Variants in CNBD1 observed in about 807,000 individuals in gnomAD.
The protein encoded by CNBD1 is cyclic nucleotide binding domain containing 1, also known as cyclic nucleotide-binding domain-containing protein 1.
CNBD1 carries 71 observed loss-of-function variants against 54.4 expected under a neutral mutation model. The ratio of observed to expected loss-of-function variants is 1.30; its 90% CI spans 1.08 to 1.59. CNBD1 has a LOEUF of 1.59. Ranked by LOEUF, CNBD1 falls within the 40% of genes most tolerant of loss-of-function variation. CNBD1 has a pLI of 0.00. For missense variants in CNBD1, 659 were observed against 518.0 expected (o/e 1.27, Z -2.64); for synonymous variants, 182 against 170.7 (o/e 1.07, Z -0.51).
At chr8:87,012,554 G>A (rs917824929) in intron 4 of CNBD1, among the ~76,000 whole-genome samples, 7 of 151,902 alleles carry the variant, frequency 4.6e-5, no homozygotes, top group South Asian at 2.1e-4. Flanking sequence ...TTTGTTTTCC[G>A]GCCTTCCTTC....
At chr8:87,331,063 TTTTAC>T (rs1809816792) in intron 8 of CNBD1, among the ~76,000 whole-genome samples, 1 of 152,194 alleles carries the variant, frequency 6.6e-6, no homozygotes, top group Non-Finnish European at 1.5e-5. Flanking sequence ...TTCTTTATTT[TTTTAC>T]TTTAAGTTCG....
At chr8:87,424,946 T>G (rs1004815627) in intron 2 of CNBD1, among the ~76,000 whole-genome samples, 3 of 152,146 alleles carry the variant, frequency 2.0e-5, no homozygotes, top group Non-Finnish European at 4.4e-5. Context: ...TCCCCATGAC[T>G]TTCAGGTACA....
At chr8:87,343,492 C>T (rs1810109660) in intron 8 of CNBD1, among the ~76,000 whole-genome samples, 1 of 152,180 alleles carries the variant, frequency 6.6e-6, no homozygotes, top group South Asian at 2.1e-4. Flanking sequence ...CAGCCGGTCC[C>T]TCCATTCGGG....
At chr8:86,994,758 G>A (rs868325572) in intron 4 of CNBD1, among the ~76,000 whole-genome samples, 4 of 151,934 alleles carry the variant, frequency 2.6e-5, no homozygotes, top group South Asian at 2.1e-4. Flanking sequence ...GTCAACTCTC[G>A]GTGTTTTCTG....
chr8:86,904,864 A>G (rs1350807106), intron 2 of CNBD1, among the ~76,000 whole-genome samples: 2 of 152,070 alleles, frequency 1.3e-5, no homozygotes, highest in African/African-American at 4.8e-5. Context: ...TGACATTGAC[A>G]TTATCATACA....
At chr8:87,300,004 A>G (rs1808952582) in intron 8 of CNBD1, among the ~76,000 whole-genome samples, 2 of 152,202 alleles carry the variant, frequency 1.3e-5, no homozygotes, top group Admixed American at 6.6e-5. Context: ...AATGAAAAAT[A>G]TAATATAGTG....
chr8:87,366,281 A>G (rs1810640990), intron 10 of CNBD1, among the ~76,000 whole-genome samples: 1 of 152,168 alleles, frequency 6.6e-6, no homozygotes, highest in South Asian at 2.1e-4. Context: ...TGTGGAGAAG[A>G]GGTCACCTCC....
chr8:87,061,532 T>C (rs1464948748), intron 4 of CNBD1, among the ~76,000 whole-genome samples: 1 of 152,214 alleles, frequency 6.6e-6, no homozygotes. Flanking sequence ...GTTAAATGTG[T>C]GAATTGTTTT....
chr8:87,024,251 A>G (rs983281238), intron 4 of CNBD1, among the ~76,000 whole-genome samples: 16 of 139,362 alleles, frequency 1.1e-4, no homozygotes, highest in Admixed American at 5.5e-4. Context: ...AAAAAAAGAA[A>G]AAAAAAAAAA....
chr8:87,366,543 A>T (rs1406002735), intron 10 of CNBD1, among the ~76,000 whole-genome samples: 1 of 152,096 alleles, frequency 6.6e-6, no homozygotes, highest in Non-Finnish European at 1.5e-5. Flanking sequence ...GCCCACCCAG[A>T]TAACCTGCCT....
At chr8:87,392,640 G>C (rs562607706) in intron 2 of CNBD1, among the ~76,000 whole-genome samples, 1 of 151,952 alleles carries the variant, frequency 6.6e-6, no homozygotes, top group African/African-American at 2.4e-5. Context: ...CTGTTGCTAG[G>C]CATGAGGAAG....
chr8:86,924,084 G>C (rs1809319268), intron 3 of CNBD1, among the ~76,000 whole-genome samples: 1 of 152,134 alleles, frequency 6.6e-6, no homozygotes, highest in Non-Finnish European at 1.5e-5. Flanking sequence ...GGCAGGAAAT[G>C]TACCTCCCTA....
chr8:87,155,349 G>T (rs1289339266), intron 4 of CNBD1, among the ~76,000 whole-genome samples: 1 of 152,102 alleles, frequency 6.6e-6, no homozygotes, highest in East Asian at 1.9e-4. Flanking sequence ...TGCCAGATTT[G>T]CATTTGACGG....
intron 4 of CNBD1, among the ~76,000 whole-genome samples, chr8:86,985,001 C>T (rs551403652): frequency 1.3e-5 from 2 of 152,198 alleles, no homozygotes; most frequent in African/African-American, 2.4e-5. Context: ...ATCCAAATCT[C>T]ATCTTGAATT....
intron 9 of CNBD1, among the ~76,000 whole-genome samples, chr8:87,351,999 C>G (rs1403762438): frequency 3.3e-5 from 5 of 152,042 alleles, no homozygotes; most frequent in African/African-American, 1.2e-4. Flanking sequence ...GTAAGATATA[C>G]AAATGATCAA....
chr8:87,111,670 G>A (rs566282139), intron 4 of CNBD1, among the ~76,000 whole-genome samples: 2 of 152,058 alleles, frequency 1.3e-5, no homozygotes. Flanking sequence ...TTATTTATTC[G>A]TGATCTCTTT....
At chr8:86,907,278 A>G (rs970225771) in intron 3 of CNBD1, among the ~76,000 whole-genome samples, 3 of 152,324 alleles carry the variant, frequency 2.0e-5, no homozygotes, top group Middle Eastern at 3.4e-3. Flanking sequence ...GAATTTGCCA[A>G]TCTTGAACCA....
intron 4 of CNBD1, among the ~76,000 whole-genome samples, chr8:86,979,828 G>C (rs2130506649): frequency 6.6e-6 from 1 of 152,170 alleles, no homozygotes; most frequent in South Asian, 2.1e-4. Context: ...TTATTTCTCA[G>C]GTTAAATGCT....
chr8:86,916,579 C>T (rs1442344699), intron 3 of CNBD1, among the ~76,000 whole-genome samples: 4 of 152,208 alleles, frequency 2.6e-5, no homozygotes, highest in Non-Finnish European at 5.9e-5. Context: ...ATTATGTGTA[C>T]GTGTAAGTCT....
Sources: gnomAD v4.1 joint callset for allele counts (sites outside exome capture counted in the v4.1 genomes callset) on GRCh38, gnomAD v4.1.1 for gene constraint, MANE v1.5 for transcripts, NCBI Gene and HGNC (gene_info 2026-07-23, HGNC 2026-07-21) for gene names.